Variants in MYH9 observed in about 807,000 individuals in gnomAD.
The protein encoded by MYH9 is myosin heavy chain 9.
In MYH9, 29 loss-of-function variants were observed where a neutral mutation model predicts 241.9. The ratio of observed to expected loss-of-function variants is 0.12; its 90% confidence interval spans 0.09 to 0.16. The LOEUF (loss-of-function observed/expected upper bound fraction) is 0.16, where lower values mean the gene tolerates loss of function less well. Among genes scored for constraint, MYH9 ranks in the 10% least tolerant of loss-of-function variants. The pLI, the probability that MYH9 is intolerant of heterozygous loss-of-function variation, is 1.00. For missense variants in MYH9, 1,803 were observed against 2,595.5 expected (o/e 0.69, Z 6.63); for synonymous variants, 1,047 against 1,062.6 (o/e 0.99, Z 0.29).
rs1450521732 is a variant in MYH9 at position 36,387,962 on chromosome 22, A to T, written c.-175T>A. 6.6e-6 allele frequency: 1 copy of T among 151,988 alleles called. No homozygotes were observed. Among genetic ancestry groups the T allele is most frequent in the Admixed American group, 6.5e-5 (1 of 15,278 alleles). The allele number at this position is 151,988 out of a possible 1,614,324, so 9.4% of individuals were successfully genotyped here. On this transcript the variant is annotated 5_prime_UTR_variant, in exon 1 of 41. Transcript: ENST00000216181. ...CGTGCCCTGCCCAGGAACCGCGGTG[A>T]TCTGCGCGCCTCACCGCACCCAGCT...
At chr22:36,341,811 C>T (rs2017595015) in intron 2 of MYH9, among the ~76,000 whole-genome samples, 2 of 152,206 alleles carry the variant, frequency 1.3e-5, no homozygotes, top group Admixed American at 1.3e-4. Flanking sequence ...CAGGCAAGGT[C>T]CGCGGCCAAG....
chr22:36,306,201 C>A lies in MYH9; in HGVS notation c.2038-150G>T. On this transcript the variant is annotated intron_variant, in intron 16 of 40. Transcript: ENST00000216181. This position sits in a 1 kb window ranked among gnomAD's most constrained non-coding sequence, Gnocchi z 4.1. ...GTTTGGACAATGAAGTCAAAGGATCCAGGTCTGGGAGGGGCCAATGCCACC... is the reference window on the plus strand; with the variant it reads ...GTTTGGACAATGAAGTCAAAGGATCAAGGTCTGGGAGGGGCCAATGCCACC... 1 of 1,408,578 alleles carries A rather than the reference C, an allele frequency of 7.1e-7. No homozygotes were observed. The allele number at this position is 1,408,578 out of a possible 1,614,324, so 87.3% of individuals were successfully genotyped here.
chr22:36,377,064 A>AG (rs1199791357), intron 1 of MYH9, among the ~76,000 whole-genome samples: 1 of 149,424 alleles, frequency 6.7e-6, no homozygotes, highest in African/African-American at 2.4e-5. Flanking sequence ...CCCTACCTCA[A>AG]AAAAAAAAAA....
intron 1 of MYH9, among the ~76,000 whole-genome samples, chr22:36,363,205 T>A (rs2017962482): frequency 6.6e-6 from 1 of 152,144 alleles, no homozygotes; most frequent in Admixed American, 6.6e-5. Flanking sequence ...TTCTCCCTCC[T>A]CCCCAACAGG....
chr22:36,292,938 C>T (rs1415395128), intron 30 of MYH9, among the ~76,000 whole-genome samples: 2 of 152,240 alleles, frequency 1.3e-5, no homozygotes, highest in Non-Finnish European at 2.9e-5. Context: ...AGATAACAAA[C>T]AGCGCAGGCC....
In MYH9 at chr22:36,305,870, C is replaced by G; in HGVS notation, c.2159+60G>C. The stretch of plus-strand genomic sequence containing the variant: ...CCTGCCAGGGAGCAGCAGCCCACCT[C>G]TGGGACTCACTGCACGCACAGCAGG... On this transcript the variant is annotated intron_variant, in intron 17 of 40. Transcript: ENST00000216181. This position sits in a 1 kb window ranked among gnomAD's most constrained non-coding sequence, Gnocchi z 4.7. 4 of 1,609,714 alleles carry G rather than the reference C, an allele frequency of 2.5e-6. No individual in the cohort carries two copies. Among genetic ancestry groups the G allele is most frequent in the Non-Finnish European group, 3.4e-6 (4 of 1,178,556 alleles).
chr22:36,371,194 C>T (rs1015927097), intron 1 of MYH9, among the ~76,000 whole-genome samples: 1 of 152,164 alleles, frequency 6.6e-6, no homozygotes, highest in African/African-American at 2.4e-5. Flanking sequence ...TGTTGGAGCC[C>T]TAACTCCCAG....
intron 23 of MYH9, 129 bp from the exon 24 acceptor site, chr22:36,299,171 T>C (rs1012362331): frequency 8.5e-6 from 11 of 1,292,800 alleles, no homozygotes; most frequent in African/African-American, 7.3e-5. Flanking sequence ...TCAAGTTCAT[T>C]AGGATTTTCC....
At chr22:36,343,020 CAG>C (rs894666277) in intron 2 of MYH9, among the ~76,000 whole-genome samples, 1 of 152,210 alleles carries the variant, frequency 6.6e-6, no homozygotes, top group African/African-American at 2.4e-5. Context: ...GCATGCACTA[CAG>C]AGTCAACCCA....
chr22:36,294,304 A>G lies in MYH9; in HGVS notation c.3631-6T>C, dbSNP rs2016755501. 2 of 1,613,304 alleles carry G rather than the reference A, an allele frequency of 1.2e-6. No individual in the cohort carries two copies. The highest frequency in any genetic ancestry group is 1.7e-6 in the Non-Finnish European group (2 of 1,180,022). On this transcript the variant is annotated splice_polypyrimidine_tract_variant and splice_region_variant and intron_variant, in intron 27 of 40. Coordinates refer to ENST00000216181, the MANE Select transcript of MYH9 (RefSeq NM_002473.6). ...TTCTCGAGGTTTGCTTTCACCTAGC[A>G]GGGAAGAAAGCAAAGACGTGAGTGG...
chr22:36,316,040 T>C (rs1324731547), intron 12 of MYH9, among the ~76,000 whole-genome samples: 3 of 149,610 alleles, frequency 2.0e-5, no homozygotes, highest in Non-Finnish European at 3.0e-5. Flanking sequence ...CCTGACTTTT[T>C]TTTTTTTTTT....
intron 5 of MYH9, chr22:36,325,077 A>G (rs999580058): frequency 2.6e-6 from 2 of 775,104 alleles, no homozygotes; most frequent in East Asian, 4.9e-5. Context: ...GGAAAAGCAC[A>G]GCTAGAGAAC....
intron 1 of MYH9, among the ~76,000 whole-genome samples, chr22:36,363,388 G>C (rs1171065209): frequency 3.3e-5 from 5 of 152,138 alleles, no homozygotes; most frequent in African/African-American, 9.7e-5. Flanking sequence ...GAAAATGCTT[G>C]CAAGTATTTT....
At chr22:36,307,837 G>A (rs545672996) in intron 15 of MYH9, among the ~76,000 whole-genome samples, 1 of 151,388 alleles carries the variant, frequency 6.6e-6, no homozygotes, top group South Asian at 2.1e-4. Context: ...GCAGTGAGCC[G>A]AGATTGCACC....
rs1035711641 is a variant in MYH9, at chr22:36,285,834, C to T, written c.5150+31G>A. 1 of 1,613,546 alleles carries T rather than the reference C, an allele frequency of 6.2e-7. No individual in the cohort carries two copies. The highest frequency in any genetic ancestry group is 8.5e-7 in the Non-Finnish European group (1 of 1,179,938). On this transcript the variant is annotated intron_variant, in intron 36 of 40. Transcript: ENST00000216181. The surrounding 1 kb of genome is among the most constrained non-coding windows in gnomAD (Gnocchi z 7.0). ...GCCTACCCTGGGGACACACCTGGTC[C>T]CCCCCAACTCTGCCCCCTCACTCAG...
chr22:36,382,864 T>C (rs979022679), intron 1 of MYH9, among the ~76,000 whole-genome samples: 9 of 152,082 alleles, frequency 5.9e-5, no homozygotes, highest in African/African-American at 1.4e-4. Flanking sequence ...GGCACTCCCA[T>C]ACATAACTTG....
intron 11 of MYH9, 36 bp from the exon 12 acceptor site, chr22:36,316,705 C>G: frequency 6.2e-7 from 1 of 1,612,284 alleles, no homozygotes; most frequent in Non-Finnish European, 8.5e-7. Flanking sequence ...GTGTCAGATA[C>G]AAAGGATCTG....
In MYH9 at chr22:36,284,275, T is replaced by C; in HGVS notation, c.5593-10A>G. On this transcript the variant is annotated splice_polypyrimidine_tract_variant and intron_variant, in intron 39 of 40. Transcript: ENST00000216181. ...TAGATGCCTTGTCGGCCTGCGGAGATGGACGTGTGGCCCGTGGCCCCGGTT... is the reference window on the plus strand; with the variant it reads ...TAGATGCCTTGTCGGCCTGCGGAGACGGACGTGTGGCCCGTGGCCCCGGTT... 1.2e-6 allele frequency: 2 copies of C among 1,608,436 alleles called. No individual in the cohort carries two copies. The highest frequency in any genetic ancestry group is 1.1e-5 in the South Asian group (1 of 90,800).
At chr22:36,367,587 C>T (rs1348197562) in intron 1 of MYH9, among the ~76,000 whole-genome samples, 1 of 152,214 alleles carries the variant, frequency 6.6e-6, no homozygotes, top group Non-Finnish European at 1.5e-5. Flanking sequence ...GTTGCGGCAG[C>T]ACCCTTGTCT....
Sources: gnomAD v4.1 joint callset for allele counts (sites outside exome capture counted in the v4.1 genomes callset) on GRCh38, gnomAD v4.1.1 for gene constraint, Gnocchi (gnomAD v3.1) non-coding constraint, MANE v1.5 for transcripts, NCBI Gene and HGNC (gene_info 2026-07-23, HGNC 2026-07-21) for gene names.